The following ERI3 variants were observed in gnomAD, a reference collection of about 807,000 sequenced individuals.
The protein encoded by ERI3 is ERI1 exoribonuclease 3.
ERI3 carries 18 observed loss-of-function variants against 44.4 expected under a neutral mutation model. The ratio of observed to expected loss-of-function variants is 0.41; its 90% CI spans 0.28 to 0.60. The LOEUF is 0.60. Ranked by LOEUF, ERI3 falls within the 20% of genes least tolerant of loss-of-function variation. The probability of loss-of-function intolerance (pLI) is 0.36; values close to 1 mark genes in which losing one functional copy is unlikely to be tolerated. For synonymous variants in ERI3, 183 were observed against 164.8 expected (o/e 1.11, Z -0.84); for missense variants, 294 against 435.5 (o/e 0.68, Z 2.89).
intron 7 of ERI3, among the ~76,000 whole-genome samples, chr1:44,263,714 T>C (rs988396138): frequency 2.0e-5 from 3 of 152,168 alleles, no homozygotes; most frequent in Non-Finnish European, 4.4e-5. Flanking sequence ...AGAGAAGTCA[T>C]GGTGTCCTCC....
rs77615604 is a variant in ERI3, at chr1:44,278,132, G to A, written c.831+6703C>T. Among the ~76,000 whole-genome samples the A allele has an allele frequency of 8.3e-3, 1,261 of 152,142 alleles. 18 individuals carry two copies. The highest frequency in any genetic ancestry group is 0.028 in the African/African-American group (1,164 of 41,494). ...TCATACCAAGTCTCTGAAATCTGAC[G>A]TGTAACTTACACTTACTGTACATCT... On this transcript the variant is annotated intron_variant, in intron 7 of 8. Transcript: ENST00000372257.
intron 7 of ERI3, among the ~76,000 whole-genome samples, chr1:44,270,577 A>G (rs1178366495): frequency 6.6e-6 from 1 of 152,140 alleles, no homozygotes; most frequent in Non-Finnish European, 1.5e-5. Context: ...CAAGCCCAGA[A>G]TTCACTTCCT....
chr1:44,336,077 C>T (rs1186402869), intron 3 of ERI3, among the ~76,000 whole-genome samples: 1 of 152,162 alleles, frequency 6.6e-6, no homozygotes, highest in African/African-American at 2.4e-5. Flanking sequence ...AAACTATAAT[C>T]AATTTATTTT....
In ERI3 at chr1:44,288,205, T is replaced by G. The variant is rs188766198; in HGVS notation, c.759-3298A>C. On this transcript the variant is annotated intron_variant, in intron 6 of 8. Coordinates refer to ENST00000372257, the MANE Select transcript of ERI3 (RefSeq NM_024066.3). ...GATATGGCTCAGCAGCAGTCCTGAG[T>G]GCCATTCTGAATCCCATGTCTGACT... Among the ~76,000 whole-genome samples, 294 of 152,228 alleles carry G rather than the reference T, an allele frequency of 1.9e-3. 2 individuals are homozygous for G. The highest frequency in any genetic ancestry group is 3.4e-3 in the Middle Eastern group (1 of 294).
intron 5 of ERI3, among the ~76,000 whole-genome samples, chr1:44,310,983 A>G (rs1436941933): frequency 0.02 from 2,989 of 148,010 alleles, 99 homozygotes; most frequent in South Asian, 0.044. Context: ...ACACACACAC[A>G]CACACACACA....
intron 3 of ERI3, among the ~76,000 whole-genome samples, chr1:44,321,627 C>G (rs949822571): frequency 6.6e-6 from 1 of 152,204 alleles, no homozygotes; most frequent in Non-Finnish European, 1.5e-5. Flanking sequence ...GCTCATCTGA[C>G]TCCTGATTTT....
chr1:44,299,944 A>G (rs1381841325), intron 6 of ERI3, among the ~76,000 whole-genome samples: 1 of 152,114 alleles, frequency 6.6e-6, no homozygotes, highest in African/African-American at 2.4e-5. Context: ...ATAGGATCCA[A>G]TTTGTCTTCC....
At chr1:44,324,778 G>A (rs1224332475) in intron 3 of ERI3, among the ~76,000 whole-genome samples, 3 of 152,106 alleles carry the variant, frequency 2.0e-5, no homozygotes, top group Admixed American at 1.3e-4. Flanking sequence ...CACCGCGCCC[G>A]GCCAACATGG....
chr1:44,262,959 CA>C (rs1329126205), intron 7 of ERI3, among the ~76,000 whole-genome samples: 1 of 152,144 alleles, frequency 6.6e-6, no homozygotes, highest in Non-Finnish European at 1.5e-5. Context: ...CACTTCCAGC[CA>C]CAGCTCTCAA....
In ERI3 at chr1:44,252,549, A is replaced by G. The variant is rs1644703521; in HGVS notation, c.832-4511T>C. Reference sequence around the variant, plus strand: ...AACACTGATCGCCCTGTGAAATTACATTGCTGGGCCCGCGAAATGGAATCG... The same window carrying G: ...AACACTGATCGCCCTGTGAAATTACGTTGCTGGGCCCGCGAAATGGAATCG... On this transcript the variant is annotated intron_variant, in intron 7 of 8. Coordinates refer to ENST00000372257, the MANE Select transcript of ERI3 (RefSeq NM_024066.3). This position sits in a 1 kb window ranked among gnomAD's most constrained non-coding sequence, Gnocchi z 4.7. Among the ~76,000 whole-genome samples the G allele has an allele frequency of 6.6e-6, 1 of 152,204 alleles. No individual in the cohort carries two copies. Among genetic ancestry groups the G allele is most frequent in the Non-Finnish European group, 1.5e-5 (1 of 68,040 alleles).
intron 3 of ERI3, among the ~76,000 whole-genome samples, chr1:44,320,889 A>G (rs1420104201): frequency 6.6e-6 from 1 of 152,186 alleles, no homozygotes; most frequent in African/African-American, 2.4e-5. Context: ...TGCAGAGAGA[A>G]AGGAAGGGGG....
At chr1:44,340,559 T>A (rs1338397152) in intron 2 of ERI3, among the ~76,000 whole-genome samples, 4 of 152,212 alleles carry the variant, frequency 2.6e-5, no homozygotes, top group Non-Finnish European at 1.5e-5. Context: ...CACTACCACC[T>A]GAACAGAAGC....
rs1644698812 is a variant in ERI3 at position 44,252,373 on chromosome 1, C to T, written c.832-4335G>A. Among the ~76,000 whole-genome samples the T allele has an allele frequency of 6.6e-6, 1 of 152,244 alleles. No individual in the cohort carries two copies. Among genetic ancestry groups the T allele is most frequent in the Admixed American group, 6.5e-5 (1 of 15,290 alleles). ...CTCGTGGCTCTGCCCGCCTTGGCTG[C>T]TGCCCCATTAGCTTAGTGGCCAGCC... On this transcript the variant is annotated intron_variant, in intron 7 of 8. Coordinates refer to ENST00000372257, the MANE Select transcript of ERI3 (RefSeq NM_024066.3). The surrounding 1 kb of genome is among the most constrained non-coding windows in gnomAD (Gnocchi z 4.7).
At chr1:44,353,494 T>C (rs1646937715) in intron 1 of ERI3, 1 of 985,466 alleles carries the variant, frequency 1.0e-6, no homozygotes, top group Non-Finnish European at 1.2e-6. Context: ...GTTGCAGAGA[T>C]GCCCCTGTTA....
chr1:44,221,548 C>T lies in ERI3; in HGVS notation c.*10G>A. On this transcript the variant is annotated 3_prime_UTR_variant, in exon 9 of 9. Coordinates refer to ENST00000372257, the MANE Select transcript of ERI3 (RefSeq NM_024066.3). This position sits in a 1 kb window ranked among gnomAD's most constrained non-coding sequence, Gnocchi z 5.9. ...GCTACCCTGTCCTGCCCCATCCTGT[C>T]CTCGGCCAATCAGAACGGCTTCGAT... 1.2e-6 allele frequency: 2 copies of T among 1,613,118 alleles called. No homozygotes were observed. The highest frequency in any genetic ancestry group is 1.7e-6 in the Non-Finnish European group (2 of 1,179,084).
chr1:44,243,437 G>A (rs1557778866), intron 8 of ERI3: 1 of 152,278 alleles, frequency 6.6e-6, no homozygotes, highest in East Asian at 1.9e-4. Flanking sequence ...AAGAAGGGAA[G>A]GAGGTCCAGG....
chr1:44,311,263 T>G (rs1309979382), intron 5 of ERI3, among the ~76,000 whole-genome samples: 1 of 152,148 alleles, frequency 6.6e-6, no homozygotes, highest in African/African-American at 2.4e-5. Context: ...CAACACTCAG[T>G]GGGGTCCCTG....
At chr1:44,335,477 A>T (rs1292128111) in intron 3 of ERI3, among the ~76,000 whole-genome samples, 1 of 152,130 alleles carries the variant, frequency 6.6e-6, no homozygotes, top group African/African-American at 2.4e-5. Context: ...ATAAAGAATC[A>T]GGCCGGGGGC....
chr1:44,304,249 G>A (rs1645787583), intron 6 of ERI3, among the ~76,000 whole-genome samples: 1 of 152,092 alleles, frequency 6.6e-6, no homozygotes, highest in Non-Finnish European at 1.5e-5. Context: ...GAAGACATCA[G>A]CATACAGAGG....
Sources: gnomAD v4.1 joint callset for allele counts (sites outside exome capture counted in the v4.1 genomes callset) on GRCh38, gnomAD v4.1.1 for gene constraint, Gnocchi (gnomAD v3.1) non-coding constraint, MANE v1.5 for transcripts, NCBI Gene and HGNC (gene_info 2026-07-23, HGNC 2026-07-21) for gene names.